Variants in SPTA1 observed in about 807,000 individuals in gnomAD.
The protein encoded by SPTA1 is spectrin alpha, erythrocytic 1.
Under a neutral mutation model 324.7 loss-of-function variants are expected in SPTA1, and 177 were observed. The ratio of observed to expected loss-of-function variants is 0.55; its 90% CI spans 0.48 to 0.62. The LOEUF is 0.62. SPTA1 is among the 20% of genes least tolerant of loss of function. The probability of loss-of-function intolerance (pLI) is 0.00; values close to 1 mark genes in which losing one functional copy is unlikely to be tolerated. For missense variants in SPTA1, 3,162 were observed against 2,883.6 expected (o/e 1.10, Z -2.21); for synonymous variants, 1,195 against 1,041.3 (o/e 1.15, Z -2.84).
At chr1:158,668,179 T>C in intron 14 of SPTA1, 117 bp from the exon 15 acceptor site, 1 of 1,157,620 alleles carries the variant, frequency 8.6e-7, no homozygotes, top group South Asian at 1.3e-5. Context: ...AACAAGAAGA[T>C]AAAAGGGGGA....
rs1179640375 is a variant in SPTA1 at position 158,612,962 on chromosome 1, C to A, written c.6990-1G>T. The stretch of plus-strand genomic sequence containing the variant: ...GTCCTCCAGTGAGACATAGCCCTTC[C>A]TGTGGGAGAAATGGATCAGGAGCTG... On this transcript the variant is annotated splice_acceptor_variant, in intron 50 of 51. Transcript: ENST00000643759. LOFTEE classifies it high-confidence loss of function. 1 of 1,613,614 alleles carries A rather than the reference C, an allele frequency of 6.2e-7. No individual in the cohort carries two copies. The highest frequency in any genetic ancestry group is 2.2e-5 in the East Asian group (1 of 44,864).
In SPTA1 at chr1:158,648,551, C is replaced by G. The variant is rs375828123; in HGVS notation, c.3672G>C (p.Arg1224=). ...CGAGGTCCCTTTCAAAGCCCTCATG[C>G]CGTCGCTGAAGAGCCTGAACACTGA... The part of the protein sequence containing the change: ...DLFSVQALQR[R]HEGFERDLVP... The change falls in exon 26 of 52, where the codon CGG becomes CGC. Residue 1224 remains arginine (R), a synonymous_variant. Coordinates refer to ENST00000643759, the MANE Select transcript of SPTA1 (RefSeq NM_003126.4). 5 of 1,613,862 alleles carry G rather than the reference C, an allele frequency of 3.1e-6. No individual in the cohort carries two copies. In the African/African-American group the frequency reaches 6.7e-5, roughly 22 times the overall value.
chr1:158,671,755 C>A lies in SPTA1; in HGVS notation c.1489-302G>T, dbSNP rs76644797. Among the ~76,000 whole-genome samples, 1,244 of 152,278 alleles carry A rather than the reference C, an allele frequency of 8.2e-3. 11 individuals are homozygous for A. Among genetic ancestry groups the A allele is most frequent in the Middle Eastern group, 0.02 (6 of 294 alleles). Reference sequence around the variant, plus strand: ...GCCTACTCACCTCCACTCTGATGTACCCTGCCTGACTCATCAGTTTTCTCT... The same window carrying A: ...GCCTACTCACCTCCACTCTGATGTAACCTGCCTGACTCATCAGTTTTCTCT... On this transcript the variant is annotated intron_variant, in intron 11 of 51. Coordinates refer to ENST00000643759, the MANE Select transcript of SPTA1 (RefSeq NM_003126.4).
chr1:158,620,554 T>C, intron 43 of SPTA1, 88 bp from the exon 44 acceptor site: 1 of 1,518,394 alleles, frequency 6.6e-7, no homozygotes, highest in Non-Finnish European at 9.0e-7. Flanking sequence ...AATGCCTGTC[T>C]TTAAATATCT....
chr1:158,637,236 C>T (rs1651151164), intron 36 of SPTA1, among the ~76,000 whole-genome samples: 1 of 152,212 alleles, frequency 6.6e-6, no homozygotes, highest in Admixed American at 6.5e-5. Flanking sequence ...GTTTGAGCAT[C>T]ACCACGAAGT....
chr1:158,634,210 C>T (rs857723), intron 39 of SPTA1, among the ~76,000 whole-genome samples: 91,678 of 152,030 alleles, frequency 0.6, 27,903 homozygotes, highest in Middle Eastern at 0.69. Flanking sequence ...CATGAAAATT[C>T]AAGGGAATCC....
In SPTA1 at chr1:158,651,352, G is replaced by A. The variant is rs369904982; in HGVS notation, c.3477+15C>T. 5.4e-4 allele frequency: 851 copies of A among 1,578,676 alleles called. No individual in the cohort carries two copies. The highest frequency in any genetic ancestry group is 6.8e-4 in the Non-Finnish European group (778 of 1,147,858). On this transcript the variant is annotated intron_variant, in intron 24 of 51. Transcript: ENST00000643759. ...CAACCTGGTAGTGAGGAGGAATGGA[G>A]GGAGCCTTAGTTACCTGCCGGATTT...
At chr1:158,643,794 T>C (rs913467108) in intron 30 of SPTA1, among the ~76,000 whole-genome samples, 1 of 152,080 alleles carries the variant, frequency 6.6e-6, no homozygotes, top group Non-Finnish European at 1.5e-5. Flanking sequence ...GGTGAAACAA[T>C]GTCAAGTGTC....
At chr1:158,646,161 C>T (rs1651984497) in intron 27 of SPTA1, among the ~76,000 whole-genome samples, 1 of 152,160 alleles carries the variant, frequency 6.6e-6, no homozygotes, top group Non-Finnish European at 1.5e-5. Flanking sequence ...AAATCAAGGT[C>T]TATTTCCCTA....
At chr1:158,636,055 A>G in intron 37 of SPTA1, 21 bp from the exon 38 acceptor site, 1 of 1,614,006 alleles carries the variant, frequency 6.2e-7, no homozygotes. Flanking sequence ...ACCCCGATAC[A>G]TGTTCCATTA....
chr1:158,669,904 G>A, intron 12 of SPTA1, 118 bp from the exon 13 acceptor site: 2 of 934,810 alleles, frequency 2.1e-6, no homozygotes, highest in Non-Finnish European at 3.5e-6. Context: ...AAGTTTGAAG[G>A]CCAGCAGATG....
At chr1:158,625,015 G>T (rs1033698095) in intron 42 of SPTA1, among the ~76,000 whole-genome samples, 7 of 152,198 alleles carry the variant, frequency 4.6e-5, no homozygotes, top group African/African-American at 1.7e-4. Flanking sequence ...AGAGGGTGTT[G>T]TTATAGCTTT....
chr1:158,656,568 C>A lies in SPTA1; in HGVS notation c.2894G>T (p.Cys965Phe), dbSNP rs765999382. The A allele has an allele frequency of 3.1e-6, 5 of 1,613,478 alleles. No homozygotes were observed. In the African/African-American group the frequency reaches 6.7e-5, roughly 22 times the overall value. The stretch of plus-strand genomic sequence containing the variant: ...TCATCGCTAAGTTAGTCTTACCTGG[C>A]AGGCGTTTGCCTGATTCCGCAGAGC... Reference protein sequence around the residue: ...MKALRNQANACQQQQAAPVEG... With the variant: ...MKALRNQANAFQQQQAAPVEG... Residue 965 changes from cysteine (C) to phenylalanine (F), a missense_variant, in exon 20 of 52, where the codon TGC becomes TTC. Transcript: ENST00000643759.
chr1:158,678,251 C>T, intron 6 of SPTA1, 150 bp downstream of exon 6: 1 of 1,037,074 alleles, frequency 9.6e-7, no homozygotes, highest in Admixed American at 1.8e-5. Context: ...TTTACCTTCT[C>T]CTTTGCTGTC....
At position 158,657,568 on chromosome 1, in the gene SPTA1, A is replaced by T. The variant is rs2101878048; in HGVS notation, c.2714T>A (p.Leu905Gln). 1 of 1,613,954 alleles carries T rather than the reference A, an allele frequency of 6.2e-7. No individual in the cohort carries two copies. The highest frequency in any genetic ancestry group is 8.5e-7 in the Non-Finnish European group (1 of 1,179,972). ...TGTTTCTGCTTCATGCAGGTCAGCC[A>T]GGTACTGCTGGAACTGGACATTGGC... The part of the protein sequence containing the change: ...LEANVQFQQY[L>Q]ADLHEAETWI... Residue 905 changes from leucine (L) to glutamine (Q), a missense_variant, in exon 19 of 52, where the codon CTG becomes CAG. Physicochemically the swap from Leu to Gln is moderately radical, Grantham distance 113. Coordinates refer to ENST00000643759, the MANE Select transcript of SPTA1 (RefSeq NM_003126.4).
intron 4 of SPTA1, 65 bp from the exon 5 acceptor site, chr1:158,680,794 CA>C (rs1321766465): frequency 6.3e-7 from 1 of 1,598,702 alleles, no homozygotes; most frequent in African/African-American, 1.3e-5. Flanking sequence ...GTCAAAAACT[CA>C]AAACTCCTGC....
intron 39 of SPTA1, among the ~76,000 whole-genome samples, chr1:158,633,445 G>A (rs941397277): frequency 3.4e-4 from 51 of 152,104 alleles, no homozygotes; most frequent in African/African-American, 1.2e-3. Context: ...TGGATCACGA[G>A]GTCAGGAGAT....
chr1:158,618,227 T>C, intron 45 of SPTA1, 171 bp from the exon 46 acceptor site: 5 of 668,386 alleles, frequency 7.5e-6, no homozygotes, highest in Non-Finnish European at 1.3e-5. Flanking sequence ...TCTCCCACTC[T>C]GAGAAGATCA....
At chr1:158,631,085 C>A (rs1650641883) in intron 39 of SPTA1, among the ~76,000 whole-genome samples, 1 of 151,996 alleles carries the variant, frequency 6.6e-6, no homozygotes, top group African/African-American at 2.4e-5. Flanking sequence ...AAAGAACTAC[C>A]ACTCAATTCA....
Sources: allele counts gnomAD v4.1 joint callset (sites outside exome capture counted in the v4.1 genomes callset), GRCh38; gene constraint gnomAD v4.1.1; transcripts MANE v1.5; gene names NCBI Gene and HGNC (gene_info 2026-07-23, HGNC 2026-07-21).